KIF7: variants seen among roughly 807,000 people sequenced by gnomAD.
KIF7 encodes kinesin family member 7.
In KIF7, 104 loss-of-function variants were observed where a neutral mutation model predicts 135.7. The ratio of observed to expected loss-of-function variants is 0.77; its 90% CI spans 0.65 to 0.90. The LOEUF is 0.90. Among genes scored for constraint, KIF7 ranks in the 40% least tolerant of loss-of-function variants. The pLI is 0.00. For synonymous variants in KIF7, 883 were observed against 809.4 expected, an observed-to-expected ratio of 1.09 and a Z score of -1.54; for missense variants, 2,005 against 1,839.1, an observed-to-expected ratio of 1.09 and a Z score of -1.65.
chr15:89,654,575 A>C (rs901093094), intron 1 of KIF7, among the ~76,000 whole-genome samples: 2 of 150,952 alleles, frequency 1.3e-5, no homozygotes, highest in Admixed American at 6.6e-5. Context: ...GCCCGTGACC[A>C]CTCCAACTGC....
chr15:89,627,607 G>T (rs543957612), downstream of KIF7: 2 of 155,034 alleles, frequency 1.3e-5, no homozygotes, highest in South Asian at 2.0e-4. Context: ...TGAGCACTCA[G>T]TACATTTTTG....
chr15:89,651,263 C>G (rs1393529161), intron 2 of KIF7, among the ~76,000 whole-genome samples: 1 of 152,220 alleles, frequency 6.6e-6, no homozygotes, highest in East Asian at 1.9e-4. Flanking sequence ...CCACGCCCAG[C>G]TAATTTTTTG....
chr15:89,622,441 T>G (rs1422418904), intron 1 of KIF7, among the ~76,000 whole-genome samples: 1 of 152,182 alleles, frequency 6.6e-6, no homozygotes, highest in Non-Finnish European at 1.5e-5. Context: ...TCCTCTCAGT[T>G]TGCTTAAAAT....
chr15:89,631,407 C>T, intron 15 of KIF7, 88 bp downstream of exon 15: 3 of 1,240,864 alleles, frequency 2.4e-6, no homozygotes, highest in South Asian at 2.8e-5. Context: ...GGCCCAGCAC[C>T]CGCAGAGGGC....
At chr15:89,619,880 T>C in intron 1 of KIF7, 1 of 1,559,284 alleles carries the variant, frequency 6.4e-7, no homozygotes, top group Admixed American at 2.1e-5. Context: ...AAGTCCGTGC[T>C]GACTTGGTGA....
intron 1 of KIF7, chr15:89,621,300 C>T (rs1356856184): frequency 3.8e-6 from 5 of 1,315,350 alleles, no homozygotes; most frequent in African/African-American, 1.5e-5. Flanking sequence ...GGATTACAGG[C>T]GTGAGCCACC....
At chr15:89,640,451 T>C (rs1222960906) in intron 11 of KIF7, among the ~76,000 whole-genome samples, 1 of 152,078 alleles carries the variant, frequency 6.6e-6, no homozygotes, top group Non-Finnish European at 1.5e-5. Flanking sequence ...ATTTTACAGA[T>C]CAGAAAACTG....
intron 1 of KIF7, chr15:89,621,673 A>T: frequency 1.3e-6 from 1 of 799,480 alleles, no homozygotes; most frequent in Non-Finnish European, 1.9e-6. Context: ...TAGAGATTGG[A>T]GGTGACTGGG....
rs1964147275 is a variant in KIF7 at position 89,652,885 on chromosome 15, C to A, written c.46G>T (p.Val16Leu). The A allele has an allele frequency of 1.3e-6, 2 of 1,538,646 alleles. No individual in the cohort carries two copies. The highest frequency in any genetic ancestry group is 1.4e-5 in the African/African-American group (1 of 72,878). ...GGTCGAACTCGCAGGGCAACCCGCA[C>A]TGGGGCCTCCTCAGCCCCTGGCAGC... ...QRLPGAEEAP[V>L]RVALRVRPLL... The change falls in exon 2 of 19, where the codon GTG becomes TTG. Residue 16 changes from valine (V) to leucine (L), a missense_variant. Transcript: ENST00000394412.
rs1042068508 is a variant in KIF7 at position 89,630,028 on chromosome 15, C to G, written c.3318+259G>C. 16 of 565,656 alleles carry G rather than the reference C, an allele frequency of 2.8e-5. No homozygotes were observed. The African/African-American group carries it at 3.0e-4, about 11-fold the overall frequency. The allele number at this position is 565,656 out of a possible 1,614,324, so 35.0% of individuals were successfully genotyped here. Reference sequence around the variant, plus strand: ...TGTCACAAAAGGGCAAAAACTTCCCCTACTGAGAGCTACTATTGTGGCCAT... The same window carrying G: ...TGTCACAAAAGGGCAAAAACTTCCCGTACTGAGAGCTACTATTGTGGCCAT... On this transcript the variant is annotated intron_variant, in intron 16 of 18. Transcript: ENST00000394412.
Position 89,633,799 on chromosome 15 carries a change from T to C in KIF7, c.2479A>G (p.Asn827Asp). 6.2e-7 allele frequency: 1 copy of C among 1,612,552 alleles called. No homozygotes were observed. Among genetic ancestry groups the C allele is most frequent in the Admixed American group, 1.7e-5 (1 of 60,024 alleles). ...SEKRLQELERNVQLMRQQQGQ... is the reference protein window; with the variant it reads ...SEKRLQELERDVQLMRQQQGQ... ...TGCTGCTGCCGCATGAGCTGCACGT[T>C]CCGCTCGAGCTCCTGCAGTCGCTTC... Residue 827 changes from asparagine to aspartate, a missense_variant, in exon 12 of 19, where the codon AAC (asparagine) becomes GAC (aspartate). Transcript: ENST00000394412.
At chr15:89,633,603 A>T in intron 12 of KIF7, 83 bp downstream of exon 12, 1 of 1,488,334 alleles carries the variant, frequency 6.7e-7, no homozygotes, top group Non-Finnish European at 9.1e-7. Flanking sequence ...TGGGTTGCAA[A>T]CCCTGCCTGG....
At chr15:89,626,034 C>T (rs140192244), downstream of KIF7, 5 of 1,613,968 alleles carry the variant, frequency 3.1e-6, no homozygotes, top group South Asian at 1.1e-5. Flanking sequence ...GGGGAAAACA[C>T]CTTCCTCTCA....
At chr15:89,625,639 C>T, downstream of KIF7, 2 of 1,613,512 alleles carry the variant, frequency 1.2e-6, no homozygotes, top group Non-Finnish European at 1.7e-6. Flanking sequence ...GAAGAGAGTC[C>T]TGTTGGCCAA....
In KIF7 at chr15:89,628,791, C is replaced by T. The variant is rs79532879; in HGVS notation, c.3665-5G>A. ...ACAGGCTCCTCTTCTCCCCACCTGT[C>T]ATGGAGAGTAACGTGTCCTCATCAG... On this transcript the variant is annotated splice_polypyrimidine_tract_variant and splice_region_variant and intron_variant, in intron 18 of 18. Transcript: ENST00000394412. 781 of 1,611,792 alleles carry T rather than the reference C, an allele frequency of 4.8e-4. 8 individuals are homozygous for T. In the East Asian group the frequency reaches 0.016, roughly 32 times the overall value.
At chr15:89,643,774 A>T (rs1371724522) in intron 10 of KIF7, among the ~76,000 whole-genome samples, 1 of 151,632 alleles carries the variant, frequency 6.6e-6, no homozygotes, top group East Asian at 1.9e-4. Context: ...AGTCCCAGCT[A>T]CTCGAGAGGC....
rs551697037 is a variant in KIF7, at chr15:89,649,845, T to C, written c.425A>G (p.His142Arg). 7.1e-6 allele frequency: 11 copies of C among 1,551,786 alleles called. No homozygotes were observed. The Admixed American group carries it at 1.2e-4, about 17-fold the overall frequency. Residue 142 changes from histidine (H) to arginine (R), a missense_variant, in exon 3 of 19, where the codon CAT (histidine) becomes CGT (arginine). Physicochemically the swap from His to Arg is conservative, Grantham distance 29. Transcript: ENST00000394412. ...DENDLLDCLV[H>R]VSYLEVYKEE... ...CTTGTACACTTCCAGGTAGGACACA[T>C]GTACCAGACAGTCAAGCAGGTCGTT...
chr15:89,623,449 TA>T (rs1364228720), downstream of KIF7, among the ~76,000 whole-genome samples: 1 of 152,212 alleles, frequency 6.6e-6, no homozygotes. Flanking sequence ...AGTAGACAAG[TA>T]AAATCTGAGT....
chr15:89,625,063 G>A (rs1963494278), downstream of KIF7: 1 of 1,613,934 alleles, frequency 6.2e-7, no homozygotes, highest in Non-Finnish European at 8.5e-7. Context: ...CTCTTCATTA[G>A]AGGCTGAGCC....
Sources: allele counts gnomAD v4.1 joint callset (sites outside exome capture counted in the v4.1 genomes callset), GRCh38; gene constraint gnomAD v4.1.1; transcripts MANE v1.5; gene names NCBI Gene and HGNC (gene_info 2026-07-23, HGNC 2026-07-21).